RABGAP1L: variants seen among roughly 807,000 people sequenced by gnomAD.
RABGAP1L encodes the protein rab GTPase-activating protein 1-like.
In RABGAP1L, 63 loss-of-function variants were observed where a neutral mutation model predicts 137.7. The observed-to-expected ratio is 0.46, with a 90% CI of 0.37 to 0.56. The LOEUF (loss-of-function observed/expected upper bound fraction) is 0.56. Among genes scored for constraint, RABGAP1L ranks in the 20% least tolerant of loss-of-function variants. The pLI, the probability that RABGAP1L is intolerant of heterozygous loss-of-function variation, is 0.00. For missense variants in RABGAP1L, 1,095 were observed against 1,244.0 expected, an observed-to-expected ratio of 0.88 and a Z score of 1.80; for synonymous variants, 431 against 433.7, an observed-to-expected ratio of 0.99 and a Z score of 0.08.
At chr1:174,384,651 T>G (rs1279145281) in intron 12 of RABGAP1L, among the ~76,000 whole-genome samples, 3 of 152,214 alleles carry the variant, frequency 2.0e-5, no homozygotes, top group African/African-American at 7.2e-5. Flanking sequence ...TTTTGTAATA[T>G]TTATTATAGG....
At chr1:174,945,132 C>T (rs961639655) in intron 19 of RABGAP1L, among the ~76,000 whole-genome samples, 4 of 152,204 alleles carry the variant, frequency 2.6e-5, no homozygotes, top group Non-Finnish European at 4.4e-5. Context: ...AATTAACTCA[C>T]TCTGAATGCA....
intron 19 of RABGAP1L, among the ~76,000 whole-genome samples, chr1:174,825,168 A>G (rs1003681938): frequency 2.0e-5 from 3 of 152,206 alleles, no homozygotes; most frequent in African/African-American, 7.2e-5. Flanking sequence ...TAGTTAATAT[A>G]GTCTCTTTTA....
intron 11 of RABGAP1L, among the ~76,000 whole-genome samples, chr1:174,318,905 A>G (rs1679677547): frequency 6.6e-6 from 1 of 151,852 alleles, no homozygotes; most frequent in Non-Finnish European, 1.5e-5. Flanking sequence ...ACTACAGTTT[A>G]TATCTTTTTA....
chr1:174,176,731 A>AT lies in RABGAP1L; in HGVS notation c.-34+17074_-34+17075insT, dbSNP rs1414103078. On this transcript the variant is annotated intron_variant, in intron 1 of 25. Coordinates refer to ENST00000681986, the MANE Select transcript of RABGAP1L (RefSeq NM_001366446.1). ...TTTTTCAGAAAAAAAAAAAAAAAAA[A>AT]AAAAAAAAAAAAAAAGGTCAACATT... Among the ~76,000 whole-genome samples the AT allele has an allele frequency of 2.2e-3, 208 of 92,838 alleles. 5 individuals carry two copies. Among genetic ancestry groups the AT allele is most frequent in the Middle Eastern group, 0.013 (2 of 160 alleles). 60.9% of individuals were successfully genotyped at this position (92,838 alleles called of 152,430 possible).
intron 13 of RABGAP1L, among the ~76,000 whole-genome samples, chr1:174,454,876 T>G (rs1191155932): frequency 6.6e-6 from 1 of 152,112 alleles, no homozygotes; most frequent in Non-Finnish European, 1.5e-5. Flanking sequence ...AAATGCATCA[T>G]TCATGGCACC....
intron 17 of RABGAP1L, among the ~76,000 whole-genome samples, chr1:174,717,824 G>A (rs1681149986): frequency 6.6e-6 from 1 of 152,192 alleles, no homozygotes; most frequent in East Asian, 1.9e-4. Flanking sequence ...ACTATCAGAA[G>A]AGCATGGTAA....
intron 1 of RABGAP1L, among the ~76,000 whole-genome samples, chr1:174,191,820 C>G (rs1428302852): frequency 6.6e-6 from 1 of 152,174 alleles, no homozygotes; most frequent in African/African-American, 2.4e-5. Flanking sequence ...TAGAGACACA[C>G]TGACTCAGGA....
chr1:174,242,378 T>C (rs557701468), intron 5 of RABGAP1L, among the ~76,000 whole-genome samples: 16 of 152,384 alleles, frequency 1.0e-4, no homozygotes, highest in Admixed American at 8.5e-4. Context: ...AGACACTTAG[T>C]ACTTAAAACC....
chr1:174,560,934 C>T (rs556307614), intron 13 of RABGAP1L, among the ~76,000 whole-genome samples: 66 of 152,228 alleles, frequency 4.3e-4, no homozygotes, highest in African/African-American at 1.2e-3. Context: ...AAATTATTTA[C>T]GGAAACATAC....
intron 12 of RABGAP1L, among the ~76,000 whole-genome samples, chr1:174,383,656 G>C (rs1039551958): frequency 2.9e-4 from 44 of 152,186 alleles, no homozygotes; most frequent in Non-Finnish European, 5.7e-4. Context: ...GCTCGCGCAC[G>C]GTGCGCGCAC....
intron 19 of RABGAP1L, among the ~76,000 whole-genome samples, chr1:174,953,079 T>C (rs1573986649): frequency 6.7e-6 from 1 of 148,862 alleles, no homozygotes; most frequent in African/African-American, 2.5e-5. Flanking sequence ...AATTCAAATA[T>C]TAGTAAGTAT....
chr1:174,962,960 T>C (rs1429393666), intron 20 of RABGAP1L, among the ~76,000 whole-genome samples: 2 of 152,038 alleles, frequency 1.3e-5, no homozygotes, highest in Non-Finnish European at 2.9e-5. Flanking sequence ...TAGCTGGGTG[T>C]GGTGGCACAT....
At chr1:174,628,762 G>A (rs191196913) in intron 13 of RABGAP1L, among the ~76,000 whole-genome samples, 15 of 152,276 alleles carry the variant, frequency 9.9e-5, no homozygotes, top group South Asian at 2.1e-4. Flanking sequence ...CAATTTATGC[G>A]TCTAGATATT....
rs774036652 is a variant in RABGAP1L, at chr1:174,448,397, G to A, written c.1710+54252G>A. ...TCTTTTCGTTGGAGTTAGCTGCTTGGTTCCTACTCTGTCACTTCTCCACTA... is the reference window on the plus strand; with the variant it reads ...TCTTTTCGTTGGAGTTAGCTGCTTGATTCCTACTCTGTCACTTCTCCACTA... On this transcript the variant is annotated intron_variant, in intron 13 of 25. Coordinates refer to ENST00000681986, the MANE Select transcript of RABGAP1L (RefSeq NM_001366446.1). This position sits in a 1 kb window ranked among gnomAD's most constrained non-coding sequence, Gnocchi z 4.2. 1.2e-6 allele frequency: 2 copies of A among 1,613,398 alleles called. No homozygotes were observed. The highest frequency in any genetic ancestry group is 4.5e-5 in the East Asian group (2 of 44,878).
At chr1:174,752,474 G>T in intron 18 of RABGAP1L, 120 bp downstream of exon 18, 2 of 647,312 alleles carry the variant, frequency 3.1e-6, no homozygotes, top group South Asian at 2.4e-5. Context: ...AAAAATAGAT[G>T]ACTTCTCTGA....
chr1:174,449,323 C>A, intron 13 of RABGAP1L: 2 of 782,632 alleles, frequency 2.6e-6, no homozygotes, highest in Non-Finnish European at 4.0e-6. Context: ...AAGTATGAGA[C>A]TAAAGGTTTC....
intron 13 of RABGAP1L, among the ~76,000 whole-genome samples, chr1:174,568,655 G>C (rs920727905): frequency 2.6e-5 from 4 of 152,108 alleles, no homozygotes; most frequent in African/African-American, 9.7e-5. Flanking sequence ...TTAGGCAGTG[G>C]GATGCCACTA....
At chr1:174,825,969 G>A (rs544372297) in intron 19 of RABGAP1L, among the ~76,000 whole-genome samples, 2 of 152,276 alleles carry the variant, frequency 1.3e-5, no homozygotes, top group African/African-American at 4.8e-5. Flanking sequence ...AGATGCTGAG[G>A]CTTGGAGTAC....
chr1:174,190,242 G>A (rs984755767), intron 1 of RABGAP1L, among the ~76,000 whole-genome samples: 2 of 150,894 alleles, frequency 1.3e-5, no homozygotes, highest in African/African-American at 4.9e-5. Context: ...GGCAGAGGTT[G>A]CGGTGAGCCA....
Sources: gnomAD v4.1 joint callset for allele counts (sites outside exome capture counted in the v4.1 genomes callset) on GRCh38, gnomAD v4.1.1 for gene constraint, Gnocchi (gnomAD v3.1) non-coding constraint, MANE v1.5 for transcripts, NCBI Gene and HGNC (gene_info 2026-07-23, HGNC 2026-07-21) for gene names.